The following ECPAS variants were observed in gnomAD, a reference collection of about 807,000 sequenced individuals.
ECPAS encodes Ecm29 proteasome adaptor and scaffold, also known as proteasome adapter and scaffold protein ECM29.
Under a neutral mutation model 255.1 loss-of-function variants are expected in ECPAS, and 70 were observed. The ratio of observed to expected loss-of-function variants is 0.27; its 90% CI spans 0.23 to 0.33. ECPAS has a LOEUF of 0.33. Ranked by LOEUF, ECPAS falls within the 10% of genes least tolerant of loss-of-function variation. The pLI is 1.00. For synonymous variants in ECPAS, 784 were observed against 775.0 expected (o/e 1.01, Z -0.19); for missense variants, 1,817 against 2,206.4 (o/e 0.82, Z 3.54).
At chr9:111,392,915 TA>T in intron 27 of ECPAS, 33 bp from the exon 28 acceptor site, 7 of 1,509,952 alleles carry the variant, frequency 4.6e-6, no homozygotes, top group Admixed American at 2.1e-5. Flanking sequence ...TGTATCACTT[TA>T]AAAAAAATTT....
intron 43 of ECPAS, 45 bp downstream of exon 43, chr9:111,371,576 G>A (rs1156474221): frequency 2.0e-6 from 3 of 1,503,548 alleles, no homozygotes; most frequent in Non-Finnish European, 2.8e-6. Flanking sequence ...CAAAATGAAA[G>A]ATGAAGTCAG....
intron 46 of ECPAS, 103 bp downstream of exon 46, chr9:111,368,932 G>A (rs1483520648): frequency 1.8e-6 from 2 of 1,141,562 alleles, no homozygotes; most frequent in Admixed American, 2.9e-5. Flanking sequence ...AATCAATCAG[G>A]CTCGATAAGA....
At chr9:111,483,742 C>A (rs2098310664) in intron 1 of ECPAS, 1 of 162,228 alleles carries the variant, frequency 6.2e-6, no homozygotes, top group Admixed American at 6.8e-5. Flanking sequence ...CGCGAGCTCG[C>A]GACTCGGGCG....
chr9:111,386,525 C>T (rs1399555403), intron 31 of ECPAS, 69 bp from the exon 32 acceptor site: 2 of 902,532 alleles, frequency 2.2e-6, no homozygotes, highest in Non-Finnish European at 3.5e-6. Context: ...CAACTCTTAA[C>T]CACACTGGTT....
Position 111,413,923 on chromosome 9 carries a change from T to G in ECPAS, c.2051A>C (p.Lys684Thr). 1 of 1,585,976 alleles carries G rather than the reference T, an allele frequency of 6.3e-7. No homozygotes were observed. The highest frequency in any genetic ancestry group is 2.3e-5 in the East Asian group (1 of 44,118). ...TATCCATTCTGTTTTGTCTACAAAT[T>G]TGGTAGCCAGCTTTTCTGGATACAC... ...VSVYPEKLAT[K>T]FVDKTEWIKS... Residue 684 changes from lysine (K) to threonine (T), a missense_variant, in exon 20 of 50, where the codon AAA becomes ACA. Lys to Thr is a moderately conservative substitution (Grantham distance 78). Around this residue, in one of 4 missense-constraint regions of ECPAS, gnomAD observed 573 missense variants for 716.2 expected, o/e 0.80. Coordinates refer to ENST00000684092, the MANE Select transcript of ECPAS (RefSeq NM_001364929.1).
At chr9:111,469,610 A>G (rs1174751188) in intron 2 of ECPAS, among the ~76,000 whole-genome samples, 4 of 151,704 alleles carry the variant, frequency 2.6e-5, no homozygotes, top group Non-Finnish European at 5.9e-5. Context: ...GGAGATCGAG[A>G]CCACCCTGGT....
chr9:111,379,665 G>A (rs748445517), intron 35 of ECPAS, among the ~76,000 whole-genome samples: 1 of 152,200 alleles, frequency 6.6e-6, no homozygotes, highest in East Asian at 1.9e-4. Flanking sequence ...TTCAAAGTTA[G>A]AGTCAATCCT....
At chr9:111,461,333 C>T (rs993983021) in intron 2 of ECPAS, among the ~76,000 whole-genome samples, 8 of 151,168 alleles carry the variant, frequency 5.3e-5, no homozygotes, top group South Asian at 2.1e-4. Context: ...GGCGTGGTGG[C>T]GTGCACCTGT....
At chr9:111,412,545 T>A (rs1029923634) in intron 20 of ECPAS, among the ~76,000 whole-genome samples, 1 of 152,122 alleles carries the variant, frequency 6.6e-6, no homozygotes, top group Admixed American at 6.6e-5. Flanking sequence ...CACGACAATG[T>A]TTGTGTCATG....
In ECPAS at chr9:111,451,474, G is replaced by C. The variant is rs750517890; in HGVS notation, c.104C>G (p.Pro35Arg). 1 of 1,572,704 alleles carries C rather than the reference G, an allele frequency of 6.4e-7. No individual in the cohort carries two copies. ...GCTAGAGAGTTTGAGCAAAACAGGA[G>C]GAAGGAATTTAGATATAATATTCTG... ...QLQNIISKFL[P>R]PVLLKLSSTQ... Residue 35 changes from proline to arginine, a missense_variant, in exon 3 of 50, where the codon CCT becomes CGT. By Grantham distance (103) the Pro-to-Arg change is moderately radical. Around this residue, in one of 4 missense-constraint regions of ECPAS, gnomAD observed 90 missense variants for 158.5 expected, o/e 0.57. Transcript: ENST00000684092.
chr9:111,414,671 G>C lies in ECPAS; in HGVS notation c.1765-20C>G, dbSNP rs746886934. The C allele has an allele frequency of 6.3e-7, 1 of 1,594,048 alleles. No homozygotes were observed. Among genetic ancestry groups the C allele is most frequent in the Non-Finnish European group, 8.6e-7 (1 of 1,166,798 alleles). ...AACGATCTACAAACAGAACGGAGAG[G>C]AAGACTGCATAAGCTTCTCGAAAAG... is the stretch of plus-strand genomic sequence containing the variant. On this transcript the variant is annotated intron_variant, in intron 18 of 49. Coordinates refer to ENST00000684092, the MANE Select transcript of ECPAS (RefSeq NM_001364929.1).
chr9:111,465,977 T>G (rs887969402), intron 2 of ECPAS, among the ~76,000 whole-genome samples: 3 of 151,692 alleles, frequency 2.0e-5, no homozygotes, highest in African/African-American at 7.3e-5. Flanking sequence ...GAGGCTGCAG[T>G]GAGCTAGATC....
chr9:111,452,002 G>T (rs551873175), intron 2 of ECPAS, among the ~76,000 whole-genome samples: 1 of 152,182 alleles, frequency 6.6e-6, no homozygotes, highest in Non-Finnish European at 1.5e-5. Flanking sequence ...CTGTATTAGG[G>T]TTACCTAGTT....
intron 24 of ECPAS, among the ~76,000 whole-genome samples, chr9:111,405,127 T>G (rs1261347412): frequency 2.0e-5 from 3 of 149,400 alleles, no homozygotes; most frequent in African/African-American, 7.6e-5. Context: ...GCAAAAAGAA[T>G]AAAGCCAGAG....
At chr9:111,369,921 C>G (rs1190512774) in intron 45 of ECPAS, among the ~76,000 whole-genome samples, 1 of 152,170 alleles carries the variant, frequency 6.6e-6, no homozygotes, top group Non-Finnish European at 1.5e-5. Context: ...CAAGGCAAAG[C>G]TTATTATGAC....
chr9:111,391,691 C>A (rs2098160446), intron 29 of ECPAS, 65 bp downstream of exon 29: 2 of 1,001,710 alleles, frequency 2.0e-6, no homozygotes, highest in Non-Finnish European at 1.5e-6. Context: ...GCTCTATTTA[C>A]CAGACTAATA....
At chr9:111,408,730 T>C in intron 23 of ECPAS, 58 bp from the exon 24 acceptor site, 1 of 1,029,346 alleles carries the variant, frequency 9.7e-7, no homozygotes, top group Non-Finnish European at 1.4e-6. Context: ...TTTACCCCAG[T>C]GCAGTATTTC....
intron 18 of ECPAS, among the ~76,000 whole-genome samples, chr9:111,415,739 C>G (rs888370953): frequency 4.0e-5 from 6 of 151,656 alleles, no homozygotes; most frequent in African/African-American, 1.2e-4. Flanking sequence ...AAAAAACAAC[C>G]CTTACATAAA....
At chr9:111,405,997 G>A (rs1441992842) in intron 24 of ECPAS, among the ~76,000 whole-genome samples, 3 of 149,608 alleles carry the variant, frequency 2.0e-5, no homozygotes, top group African/African-American at 7.6e-5. Context: ...ATATAACCCA[G>A]CAATCCCAGT....
Sources: allele counts gnomAD v4.1 joint callset (sites outside exome capture counted in the v4.1 genomes callset), GRCh38; gene constraint gnomAD v4.1.1; regional missense constraint gnomAD v4.1.1; transcripts MANE v1.5; gene names NCBI Gene and HGNC (gene_info 2026-07-23, HGNC 2026-07-21).